The following PCGF3 variants were observed in gnomAD, a reference collection of about 807,000 sequenced individuals.
PCGF3 encodes polycomb group ring finger 3, also known as polycomb group RING finger protein 3.
In PCGF3, 7 loss-of-function variants were observed where a neutral mutation model predicts 33.1. That is an observed-to-expected ratio of 0.21 (90% CI 0.12 to 0.40). The LOEUF (loss-of-function observed/expected upper bound fraction) is 0.40. PCGF3 is among the 10% of genes least tolerant of loss of function. The pLI, the probability that PCGF3 is intolerant of heterozygous loss-of-function variation, is 1.00. For missense variants in PCGF3, 211 were observed against 313.3 expected (o/e 0.67, Z 2.46); for synonymous variants, 153 against 121.3 (o/e 1.26, Z -1.72).
intron 1 of PCGF3, among the ~76,000 whole-genome samples, chr4:724,654 G>A (rs1385787734): frequency 1.3e-5 from 2 of 152,134 alleles, no homozygotes; most frequent in African/African-American, 4.8e-5. Flanking sequence ...TGAAACCCCC[G>A]TCTCTACTAA....
Position 764,954 on chromosome 4 carries a change from C to T in PCGF3, c.601-30C>T, listed in dbSNP as rs200338544. ...TGTCAGTGTGGGTTGAGCACCTCTC[C>T]GCTGCTAATCAAACCTCCTTATCCC... On this transcript the variant is annotated intron_variant, in intron 9 of 10. Coordinates refer to ENST00000362003, the Ensembl canonical transcript of PCGF3. 4.0e-4 allele frequency: 614 copies of T among 1,542,172 alleles called. 1 individual carries two copies. The highest frequency in any genetic ancestry group is 2.5e-3 in the Middle Eastern group (15 of 5,912).
At chr4:747,975 C>T (rs762778787) in intron 8 of PCGF3, among the ~76,000 whole-genome samples, 1 of 152,152 alleles carries the variant, frequency 6.6e-6, no homozygotes. Flanking sequence ...GGCCTCAGCC[C>T]CATGGCCCAC....
chr4:721,987 C>T lies in PCGF3; in HGVS notation c.-189-8643C>T, dbSNP rs959870645. On this transcript the variant is annotated intron_variant, in intron 1 of 10. Transcript: ENST00000362003. This position sits in a 1 kb window ranked among gnomAD's most constrained non-coding sequence, Gnocchi z 4.1. ...TGTGGGAGGTGGATGGGTTGGGTGG[C>T]TCTGTGTGTGGGCGTGGAGAGGCCC... 2.6e-5 allele frequency among the ~76,000 whole-genome samples: 4 copies of T among 152,008 alleles called. No homozygotes were observed. In the East Asian group the frequency reaches 5.8e-4, roughly 22 times the overall value.
intron 3 of PCGF3, among the ~76,000 whole-genome samples, chr4:733,090 C>T (rs1743676486): frequency 6.7e-6 from 1 of 149,282 alleles, no homozygotes; most frequent in Non-Finnish European, 1.5e-5. Flanking sequence ...CCCGTGCTGC[C>T]TCCGCCCCTG....
chr4:707,014 A>G (rs1429381065), intron 1 of PCGF3, among the ~76,000 whole-genome samples: 1 of 152,050 alleles, frequency 6.6e-6, no homozygotes, highest in Non-Finnish European at 1.5e-5. Flanking sequence ...ACCCCAGCCC[A>G]GGCAGGACCC....
chr4:722,450 G>A, intron 1 of PCGF3: 1 of 270,466 alleles, frequency 3.7e-6, no homozygotes, highest in South Asian at 3.1e-5. Flanking sequence ...GGGTGGAGAG[G>A]AAGGCATATG....
At chr4:734,602 G>A in intron 4 of PCGF3, 1 of 1,176,356 alleles carries the variant, frequency 8.5e-7, no homozygotes. Flanking sequence ...ACAAAGTATT[G>A]TAAAATTATC....
intron 8 of PCGF3, among the ~76,000 whole-genome samples, chr4:760,027 T>C (rs73222805): frequency 0.016 from 2,242 of 142,486 alleles, 60 homozygotes; most frequent in African/African-American, 0.024. Flanking sequence ...CCTGTGATGC[T>C]TGCAGGCGGC....
rs376325795 is a variant in PCGF3, at chr4:742,714, A to G, written c.263-760A>G. 2.6e-5 allele frequency among the ~76,000 whole-genome samples: 4 copies of G among 152,174 alleles called. No individual in the cohort carries two copies. The South Asian group carries it at 6.2e-4, about 24-fold the overall frequency. Reference sequence around the variant, plus strand: ...CTCTGGTCCGGCCAGAGGTGACCCAATGGCAGGTGTGGGTGAGGATGCTGC... The same window carrying G: ...CTCTGGTCCGGCCAGAGGTGACCCAGTGGCAGGTGTGGGTGAGGATGCTGC... On this transcript the variant is annotated intron_variant, in intron 6 of 10. Transcript: ENST00000362003.
At chr4:734,056 G>A (rs1475174559) in intron 4 of PCGF3, 2 of 1,550,656 alleles carry the variant, frequency 1.3e-6, no homozygotes, top group Admixed American at 3.9e-5. Context: ...GAGCAGCAAG[G>A]CCAGTAGCCG....
intron 10 of PCGF3, 133 bp downstream of exon 10, chr4:765,197 G>A (rs777144408): frequency 6.4e-6 from 4 of 625,000 alleles, no homozygotes; most frequent in Admixed American, 5.0e-5. Context: ...ACTTTGGGAG[G>A]ACGAGGCGGG....
intron 8 of PCGF3, among the ~76,000 whole-genome samples, chr4:744,929 CG>C (rs373319845): frequency 5.4e-4 from 6 of 11,058 alleles, no homozygotes; most frequent in African/African-American, 2.1e-3. Context: ...GGGCGGGGCC[CG>C]GGGGTCGCTG....
intron 3 of PCGF3, among the ~76,000 whole-genome samples, chr4:733,383 C>T (rs1268298340): frequency 2.0e-5 from 3 of 152,236 alleles, no homozygotes; most frequent in Non-Finnish European, 4.4e-5. Context: ...TATGGACCCT[C>T]CTCAGTCCTC....
chr4:762,064 GAGA>G (rs1745091259), intron 9 of PCGF3: 1 of 985,252 alleles, frequency 1.0e-6, no homozygotes, highest in Non-Finnish European at 1.2e-6. Flanking sequence ...GGTCAGGGTG[GAGA>G]AGTGGACAGA....
intron 1 of PCGF3, among the ~76,000 whole-genome samples, chr4:724,374 A>G (rs1577404441): frequency 6.6e-6 from 1 of 152,166 alleles, no homozygotes; most frequent in Admixed American, 6.5e-5. Flanking sequence ...ACAGGCAGGG[A>G]AGGTGAAGCT....
chr4:712,178 GC>G (rs1365772133), intron 1 of PCGF3, among the ~76,000 whole-genome samples: 1 of 151,948 alleles, frequency 6.6e-6, no homozygotes, highest in Admixed American at 6.6e-5. Context: ...AAAATGTGAG[GC>G]CTTAAGAAAA....
chr4:750,541 C>T (rs896311740), intron 8 of PCGF3, among the ~76,000 whole-genome samples: 2 of 152,224 alleles, frequency 1.3e-5, no homozygotes, highest in Admixed American at 1.3e-4. Context: ...ACCTCTGCCT[C>T]AGTTTCTCTG....
At chr4:752,677 C>T (rs890524779) in intron 8 of PCGF3, among the ~76,000 whole-genome samples, 1 of 152,200 alleles carries the variant, frequency 6.6e-6, no homozygotes, top group African/African-American at 2.4e-5. Flanking sequence ...GATACAGGGG[C>T]TCTACATGGA....
intron 8 of PCGF3, among the ~76,000 whole-genome samples, chr4:752,589 G>A (rs959077451): frequency 3.3e-5 from 5 of 152,192 alleles, no homozygotes; most frequent in Non-Finnish European, 1.5e-5. Context: ...GAGTGAGGTG[G>A]GGGACGGGCC....
Sources: gnomAD v4.1 joint callset for allele counts (sites outside exome capture counted in the v4.1 genomes callset) on GRCh38, gnomAD v4.1.1 for gene constraint, Gnocchi (gnomAD v3.1) non-coding constraint, MANE v1.5 for transcripts, NCBI Gene and HGNC (gene_info 2026-07-23, HGNC 2026-07-21) for gene names.